The following COL5A2 variants were observed in gnomAD, a reference collection of about 807,000 sequenced individuals.
The protein encoded by COL5A2 is collagen alpha-2(V) chain.
COL5A2 carries 23 observed loss-of-function variants against 208.2 expected under a neutral mutation model. That is an observed-to-expected ratio of 0.11 (90% CI 0.08 to 0.16). The LOEUF (loss-of-function observed/expected upper bound fraction) is 0.16. COL5A2 is among the 10% of genes least tolerant of loss of function. COL5A2 has a pLI of 1.00. For synonymous variants in COL5A2, 625 were observed against 628.5 expected (o/e 0.99, Z 0.08); for missense variants, 1,590 against 1,956.4 (o/e 0.81, Z 3.53).
chr2:189,137,961 T>A (rs1016741759), intron 1 of COL5A2, among the ~76,000 whole-genome samples: 1 of 152,162 alleles, frequency 6.6e-6, no homozygotes, highest in Non-Finnish European at 1.5e-5. Context: ...CCTAATCCAG[T>A]TGAGGACTCC....
chr2:189,068,339 A>T, intron 19 of COL5A2, 69 bp from the exon 20 acceptor site: 1 of 1,288,148 alleles, frequency 7.8e-7, no homozygotes, highest in Non-Finnish European at 1.1e-6. Context: ...GCTAGTATAC[A>T]GATGTCCAGC....
chr2:189,218,710 TG>T (rs1476839132), intron 1 of COL5A2, among the ~76,000 whole-genome samples: 3 of 152,178 alleles, frequency 2.0e-5, no homozygotes, highest in Non-Finnish European at 4.4e-5. Context: ...AACGAGTGTG[TG>T]GAAAATTCTT....
At chr2:189,264,623 C>T in the COL5A2 span, among the ~76,000 whole-genome samples, 5 of 151,804 alleles carry the variant, frequency 3.3e-5, no homozygotes, top group African/African-American at 4.8e-5. Context: ...TGTATAATCA[C>T]GAATAGCTTC....
At chr2:189,074,271 T>C (rs1297486510) in intron 17 of COL5A2, among the ~76,000 whole-genome samples, 1 of 151,952 alleles carries the variant, frequency 6.6e-6, no homozygotes, top group Non-Finnish European at 1.5e-5. Flanking sequence ...ACCCTTTAAA[T>C]GGGTAAGTAA....
the COL5A2 span, among the ~76,000 whole-genome samples, chr2:189,253,250 G>A: frequency 6.6e-6 from 1 of 152,202 alleles, no homozygotes. Context: ...TGGTTTAATA[G>A]TTATGTGGTT....
intron 29 of COL5A2, among the ~76,000 whole-genome samples, chr2:189,062,048 A>G (rs1420702170): frequency 6.6e-6 from 1 of 152,166 alleles, no homozygotes; most frequent in Non-Finnish European, 1.5e-5. Context: ...TTTTAGAAAG[A>G]TTTAAACTGC....
At chr2:189,205,617 A>AG (rs1202768878) in intron 1 of COL5A2, among the ~76,000 whole-genome samples, 1 of 152,188 alleles carries the variant, frequency 6.6e-6, no homozygotes, top group Non-Finnish European at 1.5e-5. Context: ...TGGAAAATGG[A>AG]AGCAATGTTC....
At chr2:189,082,734 C>G (rs1026634526) in intron 12 of COL5A2, among the ~76,000 whole-genome samples, 6 of 152,164 alleles carry the variant, frequency 3.9e-5, no homozygotes, top group African/African-American at 1.4e-4. Context: ...TTGCACAGTG[C>G]ATCTGTGGTG....
the COL5A2 span, among the ~76,000 whole-genome samples, chr2:189,426,592 T>G: frequency 1.3e-5 from 2 of 152,228 alleles, no homozygotes; most frequent in Admixed American, 6.5e-5. Flanking sequence ...CATCAGGACC[T>G]CCTGAGGCTG....
chr2:189,267,797 T>C, the COL5A2 span, among the ~76,000 whole-genome samples: 1 of 152,182 alleles, frequency 6.6e-6, no homozygotes, highest in African/African-American at 2.4e-5. Context: ...AATGGTTTAC[T>C]AAAAGTCATT....
the COL5A2 span, among the ~76,000 whole-genome samples, chr2:189,254,656 C>T: frequency 5.8e-4 from 89 of 152,306 alleles, no homozygotes; most frequent in Non-Finnish European, 1.0e-3. Flanking sequence ...TGCAGCCACT[C>T]CAGGCCCTGT....
intron 1 of COL5A2, among the ~76,000 whole-genome samples, chr2:189,164,419 T>G (rs1688427253): frequency 6.6e-6 from 1 of 152,126 alleles, no homozygotes; most frequent in Non-Finnish European, 1.5e-5. Context: ...TTTTTACTAT[T>G]TAATTCCTAT....
chr2:189,316,875 A>G, the COL5A2 span, among the ~76,000 whole-genome samples: 4 of 152,136 alleles, frequency 2.6e-5, no homozygotes, highest in African/African-American at 9.6e-5. Context: ...ACATTTTAAA[A>G]TAACTTAAAA....
intron 9 of COL5A2, 48 bp downstream of exon 9, chr2:189,086,678 G>A (rs950744298): frequency 9.4e-6 from 13 of 1,388,492 alleles, no homozygotes; most frequent in Non-Finnish European, 1.1e-5. Context: ...ATATATGTGT[G>A]TGTGTATGTT....
intron 45 of COL5A2, among the ~76,000 whole-genome samples, chr2:189,047,541 C>A (rs1685696433): frequency 6.6e-6 from 1 of 152,144 alleles, no homozygotes; most frequent in Admixed American, 6.5e-5. Context: ...TTCAGAAAAT[C>A]TGCTTAAGAT....
intron 2 of COL5A2, among the ~76,000 whole-genome samples, chr2:189,105,477 T>C (rs1433412399): frequency 6.6e-6 from 1 of 151,618 alleles, no homozygotes; most frequent in Admixed American, 6.6e-5. Context: ...AGTTTTGTCA[T>C]ATATTGAAAA....
the COL5A2 span, among the ~76,000 whole-genome samples, chr2:189,417,313 T>A: frequency 2.6e-5 from 4 of 152,190 alleles, no homozygotes; most frequent in Non-Finnish European, 5.9e-5. Flanking sequence ...AACTTTGTCA[T>A]ATATAAAATT....
At chr2:189,130,434 G>A (rs1687688235) in intron 1 of COL5A2, among the ~76,000 whole-genome samples, 1 of 151,980 alleles carries the variant, frequency 6.6e-6, no homozygotes. Flanking sequence ...GCATTTACTT[G>A]TAAAGACACT....
intron 12 of COL5A2, 75 bp downstream of exon 12, chr2:189,083,909 G>T (rs1686593625): frequency 9.5e-7 from 1 of 1,048,772 alleles, no homozygotes; most frequent in Non-Finnish European, 1.5e-6. Flanking sequence ...TGATACATGT[G>T]CATACAGAGA....
Sources: allele counts gnomAD v4.1 joint callset (sites outside exome capture counted in the v4.1 genomes callset), GRCh38; gene constraint gnomAD v4.1.1; transcripts MANE v1.5; gene names NCBI Gene and HGNC (gene_info 2026-07-23, HGNC 2026-07-21).